The following CAST variants were observed in gnomAD, a reference collection of about 807,000 sequenced individuals.
CAST encodes the protein MIR583 host.
Under a neutral mutation model 119.6 loss-of-function variants are expected in CAST, and 76 were observed. The ratio of observed to expected loss-of-function variants is 0.64; its 90% CI spans 0.53 to 0.77. CAST has a LOEUF of 0.77. Among genes scored for constraint, CAST ranks in the 30% least tolerant of loss-of-function variants. The pLI, the probability that CAST is intolerant of heterozygous loss-of-function variation, is 0.00. For missense variants in CAST, 953 were observed against 946.5 expected (o/e 1.01, Z -0.09); for synonymous variants, 319 against 331.6 (o/e 0.96, Z 0.41).
chr5:96,530,504 T>G (rs75146119), intron 1 of CAST, among the ~76,000 whole-genome samples: 5,689 of 152,150 alleles, frequency 0.037, 362 homozygotes, highest in African/African-American at 0.13. Context: ...ACAAATAAGG[T>G]CAGGGCAATG....
chr5:96,534,747 A>AAAG lies in CAST; in HGVS notation c.60+4868_60+4869insAGA, dbSNP rs70981825. 7.6e-3 allele frequency among the ~76,000 whole-genome samples: 217 copies of AAAG among 28,504 alleles called. 42 individuals are homozygous for AAAG. Among genetic ancestry groups the AAAG allele is most frequent in the Non-Finnish European group, 0.01 (161 of 15,376 alleles). 18.7% of individuals were successfully genotyped at this position (28,504 alleles called of 152,430 possible). On this transcript the variant is annotated intron_variant, in intron 1 of 11. Coordinates refer to the CAST transcript ENST00000505143. ...AGAGAGAGAGAGAGAGAGAGAAAGA[A>AAAG]AGAAAGAAAGAAAGAAAGAAAGAAA...
chr5:96,544,550 G>A (rs1745970313), intron 1 of CAST, among the ~76,000 whole-genome samples: 1 of 152,046 alleles, frequency 6.6e-6, no homozygotes, highest in African/African-American at 2.4e-5. Context: ...ATAGTGTTAT[G>A]TAAAACTGGG....
the CAST span, among the ~76,000 whole-genome samples, chr5:96,412,652 AC>A: frequency 6.6e-6 from 1 of 151,832 alleles, no homozygotes; most frequent in Non-Finnish European, 1.5e-5. Flanking sequence ...AGCTACTGAC[AC>A]CACAGAAGGA....
the CAST span, among the ~76,000 whole-genome samples, chr5:96,511,816 T>G: frequency 1.3e-5 from 2 of 152,190 alleles, no homozygotes; most frequent in African/African-American, 4.8e-5. Flanking sequence ...TCACCCTAGA[T>G]TTATCTGAGT....
intron 1 of CAST, among the ~76,000 whole-genome samples, chr5:96,553,875 CT>C (rs1228157164): frequency 1.5e-4 from 23 of 152,258 alleles, no homozygotes; most frequent in African/African-American, 5.3e-4. Flanking sequence ...TCAAGGAGAA[CT>C]ACAAACCACT....
chr5:96,710,868 TAAAAA>T (rs575756523), intron 3 of CAST, among the ~76,000 whole-genome samples: 8 of 145,182 alleles, frequency 5.5e-5, no homozygotes, highest in Non-Finnish European at 1.2e-4. Flanking sequence ...CCACATCACT[TAAAAA>T]AAAAAAAGTC....
At chr5:96,747,073 A>T (rs1763919924) in intron 17 of CAST, among the ~76,000 whole-genome samples, 1 of 152,216 alleles carries the variant, frequency 6.6e-6, no homozygotes, top group Non-Finnish European at 1.5e-5. Flanking sequence ...ATTGCCAAAG[A>T]ACTTTTTTTT....
chr5:96,689,479 T>G (rs935125868), intron 2 of CAST, among the ~76,000 whole-genome samples: 30 of 152,204 alleles, frequency 2.0e-4, no homozygotes, highest in African/African-American at 7.0e-4. Flanking sequence ...CCGTAAGCAT[T>G]TTTTTTCTGT....
the CAST span, among the ~76,000 whole-genome samples, chr5:96,309,688 T>A: frequency 6.6e-6 from 1 of 152,156 alleles, no homozygotes; most frequent in Non-Finnish European, 1.5e-5. Flanking sequence ...CTCTCACAGC[T>A]TCCTTTGGGT....
the CAST span, among the ~76,000 whole-genome samples, chr5:96,183,167 AATAATAAT>A: frequency 1.7e-5 from 2 of 117,662 alleles, no homozygotes; most frequent in African/African-American, 6.6e-5. Flanking sequence ...ATAAAATAAT[AATAATAAT>A]AATAATAATA....
At chr5:96,462,189 C>T in the CAST span, among the ~76,000 whole-genome samples, 1 of 152,080 alleles carries the variant, frequency 6.6e-6, no homozygotes, top group Non-Finnish European at 1.5e-5. Flanking sequence ...CAAATTTTTA[C>T]ATTATTGCTT....
At chr5:96,692,039 C>T (rs184708267) in intron 2 of CAST, among the ~76,000 whole-genome samples, 1 of 152,274 alleles carries the variant, frequency 6.6e-6, no homozygotes, top group Non-Finnish European at 1.5e-5. Context: ...AAGTATGCAA[C>T]TAATTCTTTT....
the CAST span, among the ~76,000 whole-genome samples, chr5:96,091,504 C>CT: frequency 0.59 from 57,839 of 98,516 alleles, 18,061 homozygotes; most frequent in Non-Finnish European, 0.64. Context: ...CATGCCTGGC[C>CT]TTTTTTTTTT....
chr5:96,130,615 T>C, the CAST span, among the ~76,000 whole-genome samples: 1 of 152,032 alleles, frequency 6.6e-6, no homozygotes, highest in Non-Finnish European at 1.5e-5. Flanking sequence ...TAAAGCTGTG[T>C]TAAAATTACA....
At chr5:96,152,201 T>C in the CAST span, among the ~76,000 whole-genome samples, 1 of 152,198 alleles carries the variant, frequency 6.6e-6, no homozygotes, top group East Asian at 1.9e-4. Flanking sequence ...TGTAATCCCT[T>C]GCATTGACAC....
At chr5:96,295,273 G>T in the CAST span, among the ~76,000 whole-genome samples, 1 of 152,168 alleles carries the variant, frequency 6.6e-6, no homozygotes, top group South Asian at 2.1e-4. Flanking sequence ...TTTTGTGCCT[G>T]AGTGGGATAA....
At chr5:96,317,309 CAA>C in the CAST span, among the ~76,000 whole-genome samples, 16 of 103,978 alleles carry the variant, frequency 1.5e-4, no homozygotes, top group Admixed American at 2.9e-4. Flanking sequence ...ACCAAAAATA[CAA>C]AAAAAAAAAA....
chr5:96,019,075 G>A, the CAST span, among the ~76,000 whole-genome samples: 1 of 152,094 alleles, frequency 6.6e-6, no homozygotes, highest in Non-Finnish European at 1.5e-5. Flanking sequence ...AGAAACCAAG[G>A]TAACAAATCA....
the CAST span, among the ~76,000 whole-genome samples, chr5:96,252,013 A>G: frequency 1.3e-5 from 2 of 152,170 alleles, no homozygotes; most frequent in Admixed American, 6.6e-5. Context: ...ATAGACAAGA[A>G]TGAAATGTAA....
Sources: allele counts gnomAD v4.1 joint callset (sites outside exome capture counted in the v4.1 genomes callset), GRCh38; gene constraint gnomAD v4.1.1; transcripts MANE v1.5; gene names NCBI Gene and HGNC (gene_info 2026-07-23, HGNC 2026-07-21).